Variants in ARHGAP22 observed in about 807,000 individuals in gnomAD.
ARHGAP22 encodes the protein rho GTPase-activating protein 22.
A neutral mutation model predicts 59.1 loss-of-function variants in ARHGAP22; 48 were observed. That is an observed-to-expected ratio of 0.81 (90% CI 0.64 to 1.03). The LOEUF (loss-of-function observed/expected upper bound fraction) is 1.03. Among genes scored for constraint, ARHGAP22 ranks in the 50% least tolerant of loss-of-function variants. ARHGAP22 has a pLI of 0.00. For missense variants in ARHGAP22, 1,015 were observed against 958.7 expected, an observed-to-expected ratio of 1.06 and a Z score of -0.78; for synonymous variants, 445 against 416.4, an observed-to-expected ratio of 1.07 and a Z score of -0.84.
At chr10:48,526,982 G>T (rs558780900) in intron 3 of ARHGAP22, among the ~76,000 whole-genome samples, 111 of 152,300 alleles carry the variant, frequency 7.3e-4, no homozygotes, top group Non-Finnish European at 1.4e-3. Context: ...CAAGGGGGAA[G>T]GAAAATAACA....
chr10:48,510,918 C>T (rs1038730334), intron 3 of ARHGAP22: 7 of 152,244 alleles, frequency 4.6e-5, no homozygotes, highest in African/African-American at 1.7e-4. Flanking sequence ...TCCTCCAACC[C>T]CTCCGAGGCT....
chr10:48,582,974 G>C lies in ARHGAP22; in HGVS notation c.213C>G (p.Asp71Glu). 6.2e-7 allele frequency: 1 copy of C among 1,614,222 alleles called. No homozygotes were observed. Among genetic ancestry groups the C allele is most frequent in the Non-Finnish European group, 8.5e-7 (1 of 1,180,042 alleles). The change falls in exon 2 of 10, where the codon GAC becomes GAG. Residue 71 changes from aspartate to glutamate, a missense_variant. Coordinates refer to ENST00000249601, the MANE Select transcript of ARHGAP22 (RefSeq NM_021226.4). The stretch of plus-strand genomic sequence containing the variant: ...TCACCTGGGGCTTGATCTCATCTTT[G>C]TCCTTGTAGTAGAAAAGCTGATCCC... ...LRGDQLFYYK[D>E]KDEIKPQGFI...
At position 48,503,269 on chromosome 10, in the gene ARHGAP22, TG is replaced by T. The variant is rs557790484; in HGVS notation, c.323-23506del. On this transcript the variant is annotated intron_variant, in intron 3 of 9. Coordinates refer to ENST00000249601, the MANE Select transcript of ARHGAP22 (RefSeq NM_021226.4). ...TCAAGAGAGGGGTTGTGGGGACGAA[TG>T]GTGGCCTGGTGGCTGATGTAACTGA... is the stretch of plus-strand genomic sequence containing the variant. Among the ~76,000 whole-genome samples the T allele has an allele frequency of 3.6e-3, 549 of 152,274 alleles. 3 individuals are homozygous for T. Among genetic ancestry groups the T allele is most frequent in the African/African-American group, 0.012 (513 of 41,556 alleles).
Position 48,451,089 on chromosome 10 carries a change from T to C in ARHGAP22, c.1040A>G (p.Gln347Arg). Residue 347 changes from glutamine to arginine, a missense_variant, in exon 9 of 10, where the codon CAG (glutamine) becomes CGG (arginine). Gln to Arg is a conservative substitution (Grantham distance 43). Transcript: ENST00000249601. ...TTCCGGGACCGGTGCCGTGAAGAGCTGGCTGTGTTTGCGGATGAGGACGGT... is the reference window on the plus strand; with the variant it reads ...TTCCGGGACCGGTGCCGTGAAGAGCCGGCTGTGTTTGCGGATGAGGACGGT... ...LMTVLIRKHS[Q>R]LFTAPVPEGP... The C allele has an allele frequency of 6.4e-7, 1 of 1,553,098 alleles. No homozygotes were observed.
Position 48,459,664 on chromosome 10 carries a change from ACC to A in ARHGAP22, c.659+18_659+19del, listed in dbSNP as rs1250434598. 1 of 1,613,384 alleles carries A rather than the reference ACC, an allele frequency of 6.2e-7. No homozygotes were observed. Among genetic ancestry groups the A allele is most frequent in the South Asian group, 1.1e-5 (1 of 91,048 alleles). The stretch of plus-strand genomic sequence containing the variant: ...AGGAATGGACAAATGGCTCCACCTT[ACC>A]CCCGATCACAAGCTCACCTGTCAAA... On this transcript the variant is annotated intron_variant, in intron 5 of 9. Coordinates refer to ENST00000249601, the MANE Select transcript of ARHGAP22 (RefSeq NM_021226.4).
At position 48,453,347 on chromosome 10, in the gene ARHGAP22, G is replaced by A. The variant is rs199896839; in HGVS notation, c.945C>T (p.Asn315=). Residue 315 remains asparagine, a synonymous_variant, in exon 8 of 10, where the codon AAC becomes AAT. Coordinates refer to ENST00000249601, the MANE Select transcript of ARHGAP22 (RefSeq NM_021226.4). The stretch of plus-strand genomic sequence containing the variant: ...GGTCCTCTACCTGTGGCCGCAGAAT[G>A]TTAGGTCCAAAAACGGTTGCCAGAT... ...VQNLATVFGP[N]ILRPQVEDPV... 145 of 1,613,938 alleles carry A rather than the reference G, an allele frequency of 9.0e-5. No individual in the cohort carries two copies. Among genetic ancestry groups the A allele is most frequent in the Middle Eastern group, 8.2e-4 (5 of 6,082 alleles).
intron 2 of ARHGAP22, among the ~76,000 whole-genome samples, chr10:48,565,520 T>G (rs1049085115): frequency 6.6e-6 from 1 of 152,166 alleles, no homozygotes; most frequent in Non-Finnish European, 1.5e-5. Context: ...TCATGCATTA[T>G]TATAGGGCCA....
chr10:48,450,287 C>A lies in ARHGAP22; in HGVS notation c.1842G>T (p.Arg614=). The change falls in exon 9 of 10, where the codon CGG becomes CGT. Residue 614 remains arginine, a synonymous_variant. Transcript: ENST00000249601. Reference sequence around the variant, plus strand: ...TTTTCACACTCCTCTCGTACTCAGTCCGCTGGCGGCACAGCTCGGCCCTGA... The same window carrying A: ...TTTTCACACTCCTCTCGTACTCAGTACGCTGGCGGCACAGCTCGGCCCTGA... ...TELRAELCRQ[R]TEYERSVKRI... 1.2e-6 allele frequency: 2 copies of A among 1,609,806 alleles called. No individual in the cohort carries two copies. The highest frequency in any genetic ancestry group is 1.3e-5 in the African/African-American group (1 of 74,996).
intron 1 of ARHGAP22, among the ~76,000 whole-genome samples, chr10:48,583,651 T>C (rs1465502955): frequency 6.6e-6 from 1 of 152,224 alleles, no homozygotes; most frequent in Non-Finnish European, 1.5e-5. Context: ...CTCCTGGAGC[T>C]CACAGTCTAG....
chr10:48,580,658 C>T (rs183554223), intron 2 of ARHGAP22, among the ~76,000 whole-genome samples: 5 of 152,156 alleles, frequency 3.3e-5, no homozygotes, highest in African/African-American at 1.2e-4. Flanking sequence ...AAAGCCAAGA[C>T]ACTGTTGAAG....
chr10:48,586,734 G>A (rs1174043166), intron 1 of ARHGAP22, among the ~76,000 whole-genome samples: 1 of 152,218 alleles, frequency 6.6e-6, no homozygotes, highest in Non-Finnish European at 1.5e-5. Flanking sequence ...TAGCTGTTCT[G>A]ATTTTGGGTG....
Position 48,446,236 on chromosome 10 carries a change from C to T in ARHGAP22, c.*155G>A. 1 of 766,260 alleles carries T rather than the reference C, an allele frequency of 1.3e-6. No homozygotes were observed. Among genetic ancestry groups the T allele is most frequent in the Non-Finnish European group, 2.1e-6 (1 of 481,108 alleles). 47.5% of individuals were successfully genotyped at this position (766,260 alleles called of 1,614,324 possible). ...GATCCCACCTGGAGTGTGTGGGGTCCCAAAAGTCCCCACAGTCCCCACAGA... is the reference window on the plus strand; with the variant it reads ...GATCCCACCTGGAGTGTGTGGGGTCTCAAAAGTCCCCACAGTCCCCACAGA... On this transcript the variant is annotated 3_prime_UTR_variant, in exon 10 of 10. Coordinates refer to ENST00000249601, the MANE Select transcript of ARHGAP22 (RefSeq NM_021226.4).
At chr10:48,521,693 CAT>C (rs1280586336) in intron 3 of ARHGAP22, among the ~76,000 whole-genome samples, 1 of 152,250 alleles carries the variant, frequency 6.6e-6, no homozygotes, top group Non-Finnish European at 1.5e-5. Context: ...TAAACACACA[CAT>C]GGATACATAC....
At chr10:48,634,176 G>T (rs1360673586) in intron 1 of ARHGAP22, among the ~76,000 whole-genome samples, 1 of 152,192 alleles carries the variant, frequency 6.6e-6, no homozygotes, top group East Asian at 1.9e-4. Flanking sequence ...CAGCCAAAAG[G>T]TGCCATCAAT....
intron 1 of ARHGAP22, among the ~76,000 whole-genome samples, chr10:48,647,899 C>A (rs2062379591): frequency 6.6e-6 from 1 of 152,114 alleles, no homozygotes; most frequent in Non-Finnish European, 1.5e-5. Flanking sequence ...CATGAATGAC[C>A]CTCAAAACGT....
chr10:48,640,982 G>A (rs577273504), intron 1 of ARHGAP22, among the ~76,000 whole-genome samples: 1 of 152,242 alleles, frequency 6.6e-6, no homozygotes, highest in South Asian at 2.1e-4. Context: ...AAGGAAAATG[G>A]ATAAAATGAA....
chr10:48,580,624 C>T (rs1202734390), intron 2 of ARHGAP22, among the ~76,000 whole-genome samples: 1 of 152,186 alleles, frequency 6.6e-6, no homozygotes, highest in Non-Finnish European at 1.5e-5. Flanking sequence ...ATCAGAGTGA[C>T]AGATCACCAA....
intron 1 of ARHGAP22, among the ~76,000 whole-genome samples, chr10:48,642,226 G>T (rs2136163381): frequency 6.6e-6 from 1 of 152,198 alleles, no homozygotes; most frequent in Non-Finnish European, 1.5e-5. Context: ...TCACAGAACT[G>T]GAAAAAACTA....
intron 3 of ARHGAP22, among the ~76,000 whole-genome samples, chr10:48,542,805 C>T (rs1227437407): frequency 6.6e-6 from 1 of 152,196 alleles, no homozygotes; most frequent in African/African-American, 2.4e-5. Flanking sequence ...AGGCTGAACA[C>T]CCTTGGGGGT....
Sources: gnomAD v4.1 joint callset for allele counts (sites outside exome capture counted in the v4.1 genomes callset) on GRCh38, gnomAD v4.1.1 for gene constraint, MANE v1.5 for transcripts, NCBI Gene and HGNC (gene_info 2026-07-23, HGNC 2026-07-21) for gene names.